The following HDAC4 variants were observed in gnomAD, a reference collection of about 807,000 sequenced individuals.
HDAC4 encodes the protein histone deacetylase A.
Under a neutral mutation model 135.1 loss-of-function variants are expected in HDAC4, and 16 were observed. The observed-to-expected ratio is 0.12, with a 90% CI of 0.08 to 0.18. The LOEUF is 0.18. Among genes scored for constraint, HDAC4 ranks in the 10% least tolerant of loss-of-function variants. The pLI is 1.00. For missense variants in HDAC4, 1,143 were observed against 1,511.8 expected (o/e 0.76, Z 4.05); for synonymous variants, 685 against 653.4 (o/e 1.05, Z -0.74).
intron 2 of HDAC4, among the ~76,000 whole-genome samples, chr2:239,294,956 G>A (rs1043468135): frequency 5.9e-5 from 9 of 152,168 alleles, no homozygotes; most frequent in East Asian, 1.9e-4. Context: ...GACAACGCCC[G>A]TCTGATAAGA....
At chr2:239,382,144 CAA>C (rs1273876580) in intron 1 of HDAC4, among the ~76,000 whole-genome samples, 4 of 152,238 alleles carry the variant, frequency 2.6e-5, no homozygotes, top group African/African-American at 7.2e-5. Context: ...GCTGCCTTCC[CAA>C]GTTAGTCAGG....
intron 2 of HDAC4, among the ~76,000 whole-genome samples, chr2:239,344,095 C>A (rs1172658192): frequency 6.6e-6 from 1 of 152,148 alleles, no homozygotes; most frequent in African/African-American, 2.4e-5. Flanking sequence ...TAGAGCCAGA[C>A]CTTTGATGGC....
intron 17 of HDAC4, among the ~76,000 whole-genome samples, chr2:239,092,692 G>A (rs949311255): frequency 2.0e-5 from 3 of 152,116 alleles, no homozygotes; most frequent in Non-Finnish European, 4.4e-5. Context: ...TCAGGACCAC[G>A]GCTCCAGCTC....
chr2:239,129,580 G>C (rs918000154), intron 11 of HDAC4, among the ~76,000 whole-genome samples: 14 of 152,128 alleles, frequency 9.2e-5, no homozygotes, highest in Non-Finnish European at 1.3e-4. Context: ...GCCCTTCCCT[G>C]TGCCCAGTGC....
intron 17 of HDAC4, chr2:239,091,390 C>T (rs986774948): frequency 6.6e-6 from 1 of 152,302 alleles, no homozygotes; most frequent in Non-Finnish European, 1.5e-5. Flanking sequence ...GTGCCCAGCC[C>T]GGTGGAGGTC....
chr2:239,384,336 A>G (rs553529747), intron 1 of HDAC4, among the ~76,000 whole-genome samples: 1 of 151,838 alleles, frequency 6.6e-6, no homozygotes, highest in South Asian at 2.1e-4. Context: ...AACTGAGGCT[A>G]GGCATGGTGG....
rs1192718842 is a variant in HDAC4, at chr2:239,050,335, T to C, written c.*2762A>G. ...AAGTGAGATGATGCATTCCTCCCCA[T>C]AAGCCACGGCGGGGTAAGAGGGCAG... On this transcript the variant is annotated 3_prime_UTR_variant, in exon 27 of 27. Coordinates refer to ENST00000543185, the MANE Select transcript of HDAC4 (RefSeq NM_001378414.1). The C allele has an allele frequency of 7.2e-5, 11 of 151,862 alleles. No homozygotes were observed. The highest frequency in any genetic ancestry group is 3.9e-4 in the Admixed American group (6 of 15,264). 9.4% of individuals were successfully genotyped at this position (151,862 alleles called of 1,614,324 possible).
chr2:239,119,458 C>T (rs2039433281), intron 12 of HDAC4, among the ~76,000 whole-genome samples: 1 of 152,082 alleles, frequency 6.6e-6, no homozygotes, highest in Non-Finnish European at 1.5e-5. Context: ...GACATGGGGA[C>T]AGGAGCTCAG....
Position 239,304,083 on chromosome 2 carries a change from C to T in HDAC4, c.22+48595G>A, listed in dbSNP as rs748046297. Among the ~76,000 whole-genome samples, 246 of 152,364 alleles carry T rather than the reference C, an allele frequency of 1.6e-3. 1 individual carries two copies. Among genetic ancestry groups the T allele is most frequent in the Admixed American group, 3.9e-3 (60 of 15,310 alleles). On this transcript the variant is annotated intron_variant, in intron 2 of 26. Transcript: ENST00000543185. Reference sequence around the variant, plus strand: ...TGTGTGCAGGCCCAGCTCCCCGACCCGTAAGCAGTTGACCTCAGACCAGCT... The same window carrying T: ...TGTGTGCAGGCCCAGCTCCCCGACCTGTAAGCAGTTGACCTCAGACCAGCT...
chr2:239,261,171 T>C (rs1015581528), intron 2 of HDAC4, among the ~76,000 whole-genome samples: 1 of 152,104 alleles, frequency 6.6e-6, no homozygotes, highest in African/African-American at 2.4e-5. Flanking sequence ...GTGTTAAAGA[T>C]AAGACTGAGC....
At chr2:239,091,742 G>C (rs898755217) in intron 17 of HDAC4, 1 of 152,100 alleles carries the variant, frequency 6.6e-6, no homozygotes, top group Non-Finnish European at 1.5e-5. Context: ...AAGTGTATTC[G>C]GTGATGGTTT....
intron 24 of HDAC4, among the ~76,000 whole-genome samples, chr2:239,059,183 T>TGCG (rs1366236804): frequency 1.3e-5 from 2 of 152,204 alleles, no homozygotes; most frequent in Non-Finnish European, 2.9e-5. Flanking sequence ...CGATGTGAGA[T>TGCG]GCGGCTGGAT....
At chr2:239,371,457 TCA>T (rs1694610315) in intron 1 of HDAC4, among the ~76,000 whole-genome samples, 1 of 151,684 alleles carries the variant, frequency 6.6e-6, no homozygotes, top group South Asian at 2.1e-4. Flanking sequence ...ACTTGCACAC[TCA>T]CACCCAGGCA....
At chr2:239,321,964 G>A (rs948352906) in intron 2 of HDAC4, among the ~76,000 whole-genome samples, 60 of 152,338 alleles carry the variant, frequency 3.9e-4, no homozygotes, top group South Asian at 8.3e-4. Flanking sequence ...ATGAAGCAAC[G>A]AAAGCACAGA....
intron 24 of HDAC4, among the ~76,000 whole-genome samples, chr2:239,059,856 G>A (rs1197177954): frequency 6.6e-6 from 1 of 151,958 alleles, no homozygotes; most frequent in African/African-American, 2.4e-5. Context: ...TCCTCTGGGG[G>A]GCCTTGGACC....
At position 239,367,509 on chromosome 2, in the gene HDAC4, G is replaced by A. The variant is rs73104777; in HGVS notation, c.-219-14591C>T. ...TACAGGTTGAGCATCCCTAATCTAA[G>A]AATCCACAAACCAAAATGCTCCAAA... is the stretch of plus-strand genomic sequence containing the variant. On this transcript the variant is annotated intron_variant, in intron 1 of 26. Coordinates refer to ENST00000543185, the MANE Select transcript of HDAC4 (RefSeq NM_001378414.1). Among the ~76,000 whole-genome samples the A allele has an allele frequency of 4.8e-3, 735 of 152,156 alleles. 4 individuals carry two copies. The highest frequency in any genetic ancestry group is 0.017 in the African/African-American group (707 of 41,506).
intron 2 of HDAC4, among the ~76,000 whole-genome samples, chr2:239,346,849 TCA>T (rs1018787867): frequency 6.4e-5 from 8 of 124,364 alleles, no homozygotes; most frequent in African/African-American, 2.5e-4. Context: ...ACACCCTGTC[TCA>T]CACACACCCT....
intron 2 of HDAC4, among the ~76,000 whole-genome samples, chr2:239,260,438 G>T (rs1488985481): frequency 6.6e-6 from 1 of 152,198 alleles, no homozygotes; most frequent in Non-Finnish European, 1.5e-5. Flanking sequence ...CAAATAACGG[G>T]TCTGGAGCAG....
At position 239,151,827 on chromosome 2, in the gene HDAC4, C is replaced by T. The variant is rs143979020; in HGVS notation, c.733+4825G>A. 2.1e-3 allele frequency among the ~76,000 whole-genome samples: 313 copies of T among 152,312 alleles called. 1 individual carries two copies. Among genetic ancestry groups the T allele is most frequent in the African/African-American group, 7.3e-3 (304 of 41,568 alleles). ...CAGTGCCACAGCCCAGGCCAGCAGC[C>T]GGGCCCCAACACATGCTGGGGAGAG... On this transcript the variant is annotated intron_variant, in intron 7 of 26. Transcript: ENST00000543185.
Sources: gnomAD v4.1 joint callset for allele counts (sites outside exome capture counted in the v4.1 genomes callset) on GRCh38, gnomAD v4.1.1 for gene constraint, MANE v1.5 for transcripts, NCBI Gene and HGNC (gene_info 2026-07-23, HGNC 2026-07-21) for gene names.